CSMD2: variants seen among roughly 807,000 people sequenced by gnomAD.
CSMD2 encodes the protein CUB and sushi domain-containing protein 2.
CSMD2 carries 130 observed loss-of-function variants against 398.5 expected under a neutral mutation model. The ratio of observed to expected loss-of-function variants is 0.33; its 90% CI spans 0.28 to 0.38. CSMD2 has a LOEUF of 0.38. Ranked by LOEUF, CSMD2 falls within the 10% of genes least tolerant of loss-of-function variation. The probability of loss-of-function intolerance (pLI) is 1.00; values close to 1 mark genes in which losing one functional copy is unlikely to be tolerated. For missense variants in CSMD2, 3,829 were observed against 4,764.9 expected (o/e 0.80, Z 5.78); for synonymous variants, 1,828 against 1,908.5 (o/e 0.96, Z 1.10).
chr1:33,886,873 T>G (rs186486289), intron 5 of CSMD2, among the ~76,000 whole-genome samples: 31 of 152,308 alleles, frequency 2.0e-4, no homozygotes, highest in Non-Finnish European at 4.0e-4. Flanking sequence ...TTAGAGCTAC[T>G]TTGTGCTGAG....
chr1:34,131,364 T>C (rs1279719297), intron 1 of CSMD2, among the ~76,000 whole-genome samples: 1 of 152,146 alleles, frequency 6.6e-6, no homozygotes, highest in Non-Finnish European at 1.5e-5. Context: ...GGTCTTAATT[T>C]TTCTTTTCAA....
chr1:33,929,873 G>C (rs558618627), intron 4 of CSMD2, among the ~76,000 whole-genome samples: 1 of 152,098 alleles, frequency 6.6e-6, no homozygotes, highest in South Asian at 2.1e-4. Context: ...CACACAACAG[G>C]CTCCTCCTTG....
intron 21 of CSMD2, among the ~76,000 whole-genome samples, chr1:33,712,904 AT>A (rs1646041012): frequency 6.6e-6 from 1 of 152,178 alleles, no homozygotes; most frequent in African/African-American, 2.4e-5. Flanking sequence ...GGGTTATTTA[AT>A]TGTTCAGAAA....
intron 5 of CSMD2, chr1:33,860,802 A>G (rs1201704590): frequency 6.6e-6 from 1 of 152,220 alleles, no homozygotes; most frequent in African/African-American, 2.4e-5. Context: ...AGGATCTCAC[A>G]GTCTCCGAGG....
At chr1:34,127,136 GAC>G (rs1389637268) in intron 1 of CSMD2, among the ~76,000 whole-genome samples, 3 of 152,116 alleles carry the variant, frequency 2.0e-5, no homozygotes, top group Non-Finnish European at 4.4e-5. Flanking sequence ...CCCAGAGTGA[GAC>G]ACCAAGAAGC....
At chr1:34,149,937 A>T (rs906049802) in intron 1 of CSMD2, among the ~76,000 whole-genome samples, 2 of 152,216 alleles carry the variant, frequency 1.3e-5, no homozygotes, top group African/African-American at 4.8e-5. Context: ...TCTTCTAGTC[A>T]TTCCTGAGTG....
intron 11 of CSMD2, among the ~76,000 whole-genome samples, 169 bp from the exon 12 acceptor site, chr1:33,788,881 G>A (rs1448082229): frequency 6.6e-6 from 1 of 152,168 alleles, no homozygotes; most frequent in East Asian, 1.9e-4. Flanking sequence ...CTCTCCCTGT[G>A]CTGGGAAGAC....
At chr1:33,772,332 C>T (rs925387317) in intron 13 of CSMD2, 32 of 447,898 alleles carry the variant, frequency 7.1e-5, no homozygotes, top group South Asian at 1.4e-4. Flanking sequence ...AAGGGTAAGA[C>T]GGTGTTGAAG....
intron 1 of CSMD2, among the ~76,000 whole-genome samples, chr1:34,115,802 C>T (rs1661545735): frequency 6.6e-6 from 1 of 151,826 alleles, no homozygotes; most frequent in Admixed American, 6.6e-5. Flanking sequence ...CGTGATATTG[C>T]TAATACAAAG....
chr1:34,091,371 C>T (rs1323826306), intron 1 of CSMD2, among the ~76,000 whole-genome samples: 1 of 152,108 alleles, frequency 6.6e-6, no homozygotes, highest in Non-Finnish European at 1.5e-5. Context: ...TCACAACAGC[C>T]CTATACGGTA....
chr1:33,912,085 G>A (rs1199108876), intron 5 of CSMD2, among the ~76,000 whole-genome samples: 3 of 152,164 alleles, frequency 2.0e-5, no homozygotes, highest in Non-Finnish European at 4.4e-5. Context: ...GTCCTCCTCT[G>A]AGCCCTGGAA....
At chr1:33,593,092 TAATA>T (rs986229264) in intron 44 of CSMD2, among the ~76,000 whole-genome samples, 1 of 152,256 alleles carries the variant, frequency 6.6e-6, no homozygotes, top group African/African-American at 2.4e-5. Flanking sequence ...CTAACGTTAT[TAATA>T]AATATATACC....
intron 37 of CSMD2, among the ~76,000 whole-genome samples, chr1:33,619,365 A>G (rs2148865955): frequency 6.6e-6 from 1 of 152,314 alleles, no homozygotes; most frequent in East Asian, 1.9e-4. Context: ...TCCAGTGCCC[A>G]CAGGCAGCTA....
In CSMD2 at chr1:33,820,564, G is replaced by GC; in HGVS notation, c.1112-9dup. 2.1e-6 allele frequency: 1 copy of GC among 479,434 alleles called. No individual in the cohort carries two copies. Among genetic ancestry groups the GC allele is most frequent in the Non-Finnish European group, 3.0e-6 (1 of 331,882 alleles). 29.7% of individuals were successfully genotyped at this position (479,434 alleles called of 1,614,324 possible). ...ACACACCAACCTGAGTTACTACAAG[G>GC]CAAAAAAAAAAAAAAAAAAAAAAAC... On this transcript the variant is annotated splice_polypyrimidine_tract_variant and intron_variant, in intron 7 of 70. Coordinates refer to ENST00000373381, the MANE Select transcript of CSMD2 (RefSeq NM_001281956.2).
At chr1:33,680,511 T>C (rs1418929281) in intron 25 of CSMD2, among the ~76,000 whole-genome samples, 1 of 152,196 alleles carries the variant, frequency 6.6e-6, no homozygotes, top group Non-Finnish European at 1.5e-5. Flanking sequence ...GCTCAGCATC[T>C]GAGTCTTGCA....
intron 25 of CSMD2, among the ~76,000 whole-genome samples, chr1:33,691,635 T>A (rs531917013): frequency 6.6e-6 from 1 of 152,278 alleles, no homozygotes; most frequent in South Asian, 2.1e-4. Flanking sequence ...CTATTCCAAA[T>A]CCTTAGCACT....
At position 33,586,521 on chromosome 1, in the gene CSMD2, G is replaced by T; in HGVS notation, c.7034C>A (p.Pro2345Gln). 6.2e-7 allele frequency: 1 copy of T among 1,611,934 alleles called. No homozygotes were observed. Among genetic ancestry groups the T allele is most frequent in the Non-Finnish European group, 8.5e-7 (1 of 1,178,162 alleles). Residue 2345 changes from proline to glutamine, a missense_variant, in exon 46 of 71, where the codon CCA becomes CAA. This residue lies in a region of CSMD2 where 723 missense variants were observed against 758.6 expected (regional missense o/e 0.95). Transcript: ENST00000373381. ...GCAATTACCTTCACATATCGGGGGT[G>T]GTCCTTCAAACTGCAGGTAGGTTCC... ...KLGTYLQFEGPPPICEVHCPT... is the reference protein window; with the variant it reads ...KLGTYLQFEGQPPICEVHCPT...
At chr1:33,774,733 G>C (rs1454946212) in intron 12 of CSMD2, among the ~76,000 whole-genome samples, 1 of 152,178 alleles carries the variant, frequency 6.6e-6, no homozygotes, top group East Asian at 1.9e-4. Flanking sequence ...GCTAGTCTGA[G>C]GCTGTGATTG....
At chr1:33,747,276 C>T (rs1647517477) in intron 13 of CSMD2, among the ~76,000 whole-genome samples, 1 of 152,160 alleles carries the variant, frequency 6.6e-6, no homozygotes, top group African/African-American at 2.4e-5. Context: ...GCAAGCGTAA[C>T]AAATATTCCT....
Sources: gnomAD v4.1 joint callset for allele counts (sites outside exome capture counted in the v4.1 genomes callset) on GRCh38, gnomAD v4.1.1 for gene constraint, gnomAD v4.1.1 regional missense constraint, MANE v1.5 for transcripts, NCBI Gene and HGNC (gene_info 2026-07-23, HGNC 2026-07-21) for gene names.